RERG: variants seen among roughly 807,000 people sequenced by gnomAD.
The protein encoded by RERG is RAS like estrogen regulated growth inhibitor.
A neutral mutation model predicts 23.2 loss-of-function variants in RERG; 25 were observed. The ratio of observed to expected loss-of-function variants is 1.08; its 90% confidence interval spans 0.79 to 1.50. The LOEUF is 1.50. RERG is among the 40% of genes most tolerant of loss of function. The probability of loss-of-function intolerance (pLI) is 0.00; values close to 1 mark genes in which losing one functional copy is unlikely to be tolerated. For missense variants in RERG, 253 were observed against 250.1 expected, an observed-to-expected ratio of 1.01 and a Z score of -0.08; for synonymous variants, 81 against 89.1, an observed-to-expected ratio of 0.91 and a Z score of 0.51.
At chr12:15,138,994 G>C (rs1864189363) in intron 2 of RERG, among the ~76,000 whole-genome samples, 1 of 97,974 alleles carries the variant, frequency 1.0e-5, no homozygotes, top group African/African-American at 3.8e-5. Flanking sequence ...TTTTGTGAAA[G>C]TTGTTCACCT....
At chr12:15,150,996 T>C (rs1179990568) in intron 2 of RERG, among the ~76,000 whole-genome samples, 5 of 152,200 alleles carry the variant, frequency 3.3e-5, no homozygotes, top group Non-Finnish European at 5.9e-5. Flanking sequence ...ATATTGTTAT[T>C]GTACTTTATA....
intron 2 of RERG, among the ~76,000 whole-genome samples, chr12:15,201,556 GTAAT>G (rs1167211101): frequency 1.3e-5 from 2 of 149,320 alleles, no homozygotes; most frequent in African/African-American, 2.5e-5. Flanking sequence ...GCTAATAATA[GTAAT>G]TAATAATAAT....
At chr12:15,156,757 A>G (rs1864528689) in intron 2 of RERG, among the ~76,000 whole-genome samples, 2 of 152,228 alleles carry the variant, frequency 1.3e-5, no homozygotes, top group African/African-American at 4.8e-5. Flanking sequence ...AATATGATCA[A>G]TAAAACAAGG....
rs1202362471 is a variant in RERG, at chr12:15,110,477, T to TC, written c.192+866_192+867insG. Reference sequence around the variant, plus strand: ...GCCATTTTTTTCTTTTTTTTTTTTTTTTTTTTTTTTTTTTTTACTGAGACG... The same window carrying TC: ...GCCATTTTTTTCTTTTTTTTTTTTTTCTTTTTTTTTTTTTTTTACTGAGACG... On this transcript the variant is annotated intron_variant, in intron 4 of 4. Coordinates refer to ENST00000256953, the MANE Select transcript of RERG (RefSeq NM_032918.3). Among the ~76,000 whole-genome samples the TC allele has an allele frequency of 4.0e-3, 504 of 125,794 alleles. 1 individual carries two copies. Among genetic ancestry groups the TC allele is most frequent in the Non-Finnish European group, 7.1e-3 (421 of 59,700 alleles). The allele number at this position is 125,794 out of a possible 152,430, so 82.5% of individuals were successfully genotyped here. A position where few individuals can be genotyped will look rare whatever the true frequency, so the allele number is the denominator to read the frequency against.
At chr12:15,200,114 T>G (rs1167885725) in intron 2 of RERG, among the ~76,000 whole-genome samples, 1 of 152,072 alleles carries the variant, frequency 6.6e-6, no homozygotes, top group Non-Finnish European at 1.5e-5. Context: ...AAGAAAGAAA[T>G]GTTTATTTAC....
At chr12:15,126,663 G>T (rs947244860) in intron 2 of RERG, among the ~76,000 whole-genome samples, 1 of 150,840 alleles carries the variant, frequency 6.6e-6, no homozygotes, top group African/African-American at 2.4e-5. Context: ...AAGGGGAAAA[G>T]AAACACATAT....
intron 2 of RERG, among the ~76,000 whole-genome samples, chr12:15,157,629 G>A (rs145080915): frequency 8.0e-4 from 122 of 152,256 alleles, no homozygotes; most frequent in African/African-American, 2.6e-3. Flanking sequence ...AAACATGAAA[G>A]AGAACTCCAA....
intron 2 of RERG, among the ~76,000 whole-genome samples, chr12:15,201,637 T>G (rs1865217832): frequency 6.7e-6 from 1 of 149,194 alleles, no homozygotes; most frequent in African/African-American, 2.4e-5. Context: ...TTATTAGTAA[T>G]TGTTAGTATA....
intron 2 of RERG, among the ~76,000 whole-genome samples, chr12:15,213,358 T>G (rs1865395008): frequency 6.6e-6 from 1 of 152,250 alleles, no homozygotes; most frequent in South Asian, 2.1e-4. Flanking sequence ...TATAGGCTGA[T>G]GCACACAAGT....
intron 2 of RERG, among the ~76,000 whole-genome samples, chr12:15,194,495 G>A (rs752823691): frequency 3.0e-5 from 3 of 100,166 alleles, no homozygotes; most frequent in Non-Finnish European, 3.9e-5. Context: ...GAGGAAGAAG[G>A]AGCCCGATCT....
Position 15,119,302 on chromosome 12 carries a change from A to G in RERG, c.118+1761T>C, listed in dbSNP as rs185260453. 5.3e-4 allele frequency among the ~76,000 whole-genome samples: 80 copies of G among 152,258 alleles called. 1 individual carries two copies. The highest frequency in any genetic ancestry group is 1.3e-3 in the Admixed American group (20 of 15,290). On this transcript the variant is annotated intron_variant, in intron 3 of 4. Transcript: ENST00000256953. ...TACTATTAATAGCAGTTTTTTTTTC[A>G]GATGAATAAAACAAAAGAGAAAATG...
intron 2 of RERG, among the ~76,000 whole-genome samples, chr12:15,186,814 G>C (rs1004019028): frequency 6.6e-6 from 1 of 152,186 alleles, no homozygotes; most frequent in Admixed American, 6.5e-5. Context: ...GGATTTCCCA[G>C]AGATTAATGG....
intron 2 of RERG, 25 bp downstream of exon 2, chr12:15,217,404 A>G (rs1326796314): frequency 1.9e-6 from 3 of 1,554,738 alleles, no homozygotes; most frequent in East Asian, 2.2e-5. Context: ...CACACACACT[A>G]TAACAACCAC....
chr12:15,196,999 T>C (rs964363653), intron 2 of RERG, among the ~76,000 whole-genome samples: 13 of 152,168 alleles, frequency 8.5e-5, no homozygotes, highest in Non-Finnish European at 1.6e-4. Flanking sequence ...TCATGTATAA[T>C]GAGAGCTAAC....
chr12:15,116,109 T>C (rs762614206), intron 3 of RERG, among the ~76,000 whole-genome samples: 2 of 152,232 alleles, frequency 1.3e-5, no homozygotes, highest in Non-Finnish European at 2.9e-5. Context: ...GATTTAATGC[T>C]CTAAAATACT....
chr12:15,125,961 T>C (rs1863929923), intron 2 of RERG, among the ~76,000 whole-genome samples: 1 of 151,586 alleles, frequency 6.6e-6, no homozygotes, highest in Non-Finnish European at 1.5e-5. Context: ...TCAAGTTGTT[T>C]ACATTTCTTC....
Position 15,161,033 on chromosome 12 carries a change from G to T in RERG, c.62-39914C>A, listed in dbSNP as rs561516854. On this transcript the variant is annotated intron_variant, in intron 2 of 4. Transcript: ENST00000256953. ...GCTTGTAGTCACAGCTACCCGGGAG[G>T]TTGAGGCATGAGAATTGCTTGAACC... is the stretch of plus-strand genomic sequence containing the variant. 3.3e-5 allele frequency among the ~76,000 whole-genome samples: 5 copies of T among 152,046 alleles called. No homozygotes were observed. In the East Asian group the frequency reaches 9.7e-4, roughly 29 times the overall value.
chr12:15,193,285 A>G (rs1328356273), intron 2 of RERG, among the ~76,000 whole-genome samples: 5 of 152,052 alleles, frequency 3.3e-5, no homozygotes, highest in Admixed American at 6.6e-5. Flanking sequence ...CCCTTGAGTT[A>G]TATTCAGTAA....
intron 2 of RERG, among the ~76,000 whole-genome samples, chr12:15,141,195 A>G (rs755469550): frequency 3.5e-5 from 5 of 144,470 alleles, no homozygotes; most frequent in Non-Finnish European, 6.0e-5. Context: ...TCACTCTGTC[A>G]CCCAGGCTGC....
Sources: allele counts gnomAD v4.1 joint callset (sites outside exome capture counted in the v4.1 genomes callset), GRCh38; gene constraint gnomAD v4.1.1; transcripts MANE v1.5; gene names NCBI Gene and HGNC (gene_info 2026-07-23, HGNC 2026-07-21).